Variants in TNS1 observed in about 807,000 individuals in gnomAD.
TNS1 encodes tensin-1.
Under a neutral mutation model 168.6 loss-of-function variants are expected in TNS1, and 62 were observed. The ratio of observed to expected loss-of-function variants is 0.37; its 90% CI spans 0.30 to 0.45. The LOEUF (loss-of-function observed/expected upper bound fraction) is 0.45. TNS1 is among the 20% of genes least tolerant of loss of function. The probability of loss-of-function intolerance (pLI) is 1.00; values close to 1 mark genes in which losing one functional copy is unlikely to be tolerated. For missense variants in TNS1, 2,240 were observed against 2,339.4 expected (o/e 0.96, Z 0.88); for synonymous variants, 934 against 933.2 (o/e 1.00, Z -0.02).
chr2:217,824,926 C>T (rs911634926), intron 22 of TNS1, among the ~76,000 whole-genome samples: 4 of 152,170 alleles, frequency 2.6e-5, no homozygotes, highest in East Asian at 1.9e-4. Flanking sequence ...CGAGCCCTCA[C>T]ACAGCACCTG....
chr2:217,810,293 A>T lies in TNS1; in HGVS notation c.5059T>A (p.Ser1687Thr), dbSNP rs200040655. 1 of 1,614,176 alleles carries T rather than the reference A, an allele frequency of 6.2e-7. No individual in the cohort carries two copies. The highest frequency in any genetic ancestry group is 2.2e-5 in the East Asian group (1 of 44,892). ...TCTGCAGTTGAGTTGGCAGGGCCGG[A>T]GCTATCTTTCGATTCATCTGTGGGG... ...RDPTDESKDS[S>T]GPANSTADLL... Residue 1687 changes from serine (S) to threonine (T), a missense_variant, in exon 29 of 33, where the codon TCC becomes ACC. Transcript: ENST00000682258.
At chr2:217,839,754 C>T (rs1396797112) in intron 19 of TNS1, among the ~76,000 whole-genome samples, 1 of 152,220 alleles carries the variant, frequency 6.6e-6, no homozygotes, top group Non-Finnish European at 1.5e-5. Flanking sequence ...CCCTCACAGA[C>T]CCAGCTCTTC....
At chr2:217,908,595 G>A (rs1442722658) in intron 4 of TNS1, among the ~76,000 whole-genome samples, 1 of 152,204 alleles carries the variant, frequency 6.6e-6, no homozygotes, top group Non-Finnish European at 1.5e-5. Flanking sequence ...CGGCGTCAGG[G>A]AGGAGGAGTG....
rs527617736 is a variant in TNS1, at chr2:217,860,399, G to C, written c.1430-11312C>G. Among the ~76,000 whole-genome samples, 220 of 152,332 alleles carry C rather than the reference G, an allele frequency of 1.4e-3. 3 individuals are homozygous for C. Among genetic ancestry groups the C allele is most frequent in the African/African-American group, 4.8e-3 (200 of 41,570 alleles). On this transcript the variant is annotated intron_variant, in intron 18 of 32. Coordinates refer to ENST00000682258, the MANE Select transcript of TNS1 (RefSeq NM_001387777.1). ...TCAAAGAGACCACTAAAAATAAGGA[G>C]ACCAGGGGAGGGGAAGCAGAGGGGT...
intron 18 of TNS1, among the ~76,000 whole-genome samples, chr2:217,860,029 A>C (rs569110456): frequency 1.3e-5 from 2 of 152,294 alleles, no homozygotes; most frequent in South Asian, 4.1e-4. Context: ...CTCCATGCAG[A>C]GGGCCCCAGT....
At chr2:217,804,678 A>G in intron 32 of TNS1, 75 bp from the exon 33 acceptor site, 1 of 1,581,264 alleles carries the variant, frequency 6.3e-7, no homozygotes, top group Non-Finnish European at 8.6e-7. Flanking sequence ...AGCCCAGGTG[A>G]GCAAGCTGGT....
Position 217,818,052 on chromosome 2 carries a change from T to G in TNS1, c.4280A>C (p.Tyr1427Ser). 1 of 1,608,942 alleles carries G rather than the reference T, an allele frequency of 6.2e-7. No individual in the cohort carries two copies. The change falls in exon 24 of 33, where the codon TAT becomes TCT. Residue 1427 changes from tyrosine to serine, a missense_variant. Physicochemically the swap from Tyr to Ser is moderately radical, Grantham distance 144 (BLOSUM62 -2). Transcript: ENST00000682258. Reference sequence around the variant, plus strand: ...ATCCTCCGGGGTAGAATAGCCACCATAGGCCACATGCCGGTCCAAGCAGGG... The same window carrying G: ...ATCCTCCGGGGTAGAATAGCCACCAGAGGCCACATGCCGGTCCAAGCAGGG... ...GSPCLDRHVA[Y>S]GGYSTPEDRR...
chr2:218,007,014 A>AT (rs1958664400), upstream of TNS1, among the ~76,000 whole-genome samples: 1 of 151,922 alleles, frequency 6.6e-6, no homozygotes, highest in Non-Finnish European at 1.5e-5. Context: ...CAGACCCTGG[A>AT]TTTTTTCCCT....
At chr2:217,808,539 G>A in intron 31 of TNS1, 64 bp downstream of exon 31, 1 of 1,453,236 alleles carries the variant, frequency 6.9e-7, no homozygotes, top group South Asian at 1.2e-5. Context: ...GCACATGCAT[G>A]CACCCACACA....
chr2:218,011,437 G>C (rs563176163), upstream of TNS1, among the ~76,000 whole-genome samples: 69 of 152,182 alleles, frequency 4.5e-4, no homozygotes, highest in Non-Finnish European at 8.4e-4. Flanking sequence ...CAGCCAAGCC[G>C]GGAGAGAAGA....
chr2:217,946,364 C>T (rs1957105412), intron 3 of TNS1, among the ~76,000 whole-genome samples: 1 of 152,240 alleles, frequency 6.6e-6, no homozygotes, highest in South Asian at 2.1e-4. Flanking sequence ...CATTGTCTCC[C>T]TTCCCCTTTC....
At chr2:217,804,741 T>A in intron 32 of TNS1, 138 bp from the exon 33 acceptor site, 1 of 1,109,606 alleles carries the variant, frequency 9.0e-7, no homozygotes, top group Non-Finnish European at 1.3e-6. Context: ...CATCAGGGAC[T>A]CAGAGAGGTG....
chr2:217,930,989 G>A (rs1257763281), intron 3 of TNS1, among the ~76,000 whole-genome samples: 1 of 152,108 alleles, frequency 6.6e-6, no homozygotes. Context: ...TGGAACTGGT[G>A]TGAAAGGAGG....
chr2:217,929,712 C>T (rs1482765136), intron 3 of TNS1, among the ~76,000 whole-genome samples: 2 of 150,698 alleles, frequency 1.3e-5, no homozygotes, highest in East Asian at 2.0e-4. Context: ...CCACCCGCCC[C>T]GGCCACCAAA....
chr2:217,826,557 T>C (rs539087072), intron 22 of TNS1, among the ~76,000 whole-genome samples: 9 of 152,280 alleles, frequency 5.9e-5, no homozygotes, highest in Admixed American at 1.3e-4. Context: ...CCTAATTCTT[T>C]CCTGCCAATT....
chr2:217,814,313 G>A (rs774676434), intron 25 of TNS1, among the ~76,000 whole-genome samples: 2 of 150,568 alleles, frequency 1.3e-5, no homozygotes, highest in Non-Finnish European at 2.9e-5. Flanking sequence ...ACCACACCTG[G>A]CTGGCAAACT....
chr2:217,873,724 G>A (rs763490206), intron 18 of TNS1, among the ~76,000 whole-genome samples: 10 of 152,254 alleles, frequency 6.6e-5, no homozygotes, highest in Middle Eastern at 6.8e-3. Context: ...AGGGAACAGC[G>A]AATGAAAGAC....
chr2:217,830,507 C>G (rs1944263818), intron 22 of TNS1: 1 of 1,198,498 alleles, frequency 8.3e-7, no homozygotes, highest in Non-Finnish European at 1.2e-6. Flanking sequence ...CCAGGGAGCC[C>G]TGTCTCCCTC....
chr2:218,026,684 C>T (rs1958851656), intron 1 of TNS1, among the ~76,000 whole-genome samples: 1 of 152,250 alleles, frequency 6.6e-6, no homozygotes, highest in South Asian at 2.1e-4. Context: ...TTCCCACCCA[C>T]CGCGTATGTC....
Sources: gnomAD v4.1 joint callset for allele counts (sites outside exome capture counted in the v4.1 genomes callset) on GRCh38, gnomAD v4.1.1 for gene constraint, MANE v1.5 for transcripts, NCBI Gene and HGNC (gene_info 2026-07-23, HGNC 2026-07-21) for gene names.